The following CCDC81 variants were observed in gnomAD, a reference collection of about 807,000 sequenced individuals.
CCDC81 encodes the protein coiled-coil domain containing 81.
Under a neutral mutation model 83.7 loss-of-function variants are expected in CCDC81, and 79 were observed. The observed-to-expected ratio is 0.94, with a 90% confidence interval of 0.79 to 1.14. The LOEUF (loss-of-function observed/expected upper bound fraction) is 1.14. Among genes scored for constraint, CCDC81 ranks in the 50% most tolerant of loss-of-function variants. The probability of loss-of-function intolerance (pLI) is 0.00; values close to 1 mark genes in which losing one functional copy is unlikely to be tolerated. For synonymous variants in CCDC81, 252 were observed against 278.1 expected (o/e 0.91, Z 0.93); for missense variants, 791 against 778.1 (o/e 1.02, Z -0.20).
intron 14 of CCDC81, among the ~76,000 whole-genome samples, chr11:86,421,546 G>A (rs1411371802): frequency 6.6e-6 from 1 of 152,126 alleles, no homozygotes. Context: ...TCCTGACCTC[G>A]CAATCCGCCC....
intron 7 of CCDC81, among the ~76,000 whole-genome samples, chr11:86,403,889 T>A (rs1948527883): frequency 6.6e-6 from 1 of 152,096 alleles, no homozygotes; most frequent in Non-Finnish European, 1.5e-5. Context: ...TTGTTGGGGA[T>A]TAGTTAAGGG....
chr11:86,390,547 C>A (rs546346393), intron 3 of CCDC81, among the ~76,000 whole-genome samples: 1 of 152,150 alleles, frequency 6.6e-6, no homozygotes, highest in Non-Finnish European at 1.5e-5. Flanking sequence ...TAGAAAGATA[C>A]TCTTTCAGTT....
intron 7 of CCDC81, among the ~76,000 whole-genome samples, chr11:86,401,258 T>C (rs1005964333): frequency 7.2e-5 from 11 of 152,218 alleles, no homozygotes; most frequent in African/African-American, 2.7e-4. Flanking sequence ...CAATTTATCA[T>C]GGTCGTTTTC....
At chr11:86,379,402 T>G (rs552245362) in intron 1 of CCDC81, among the ~76,000 whole-genome samples, 1 of 152,168 alleles carries the variant, frequency 6.6e-6, no homozygotes. Context: ...GGCCCAGTTA[T>G]ACTTTTAAAA....
intron 13 of CCDC81, among the ~76,000 whole-genome samples, chr11:86,417,926 T>A (rs958551153): frequency 6.6e-6 from 1 of 152,106 alleles, no homozygotes; most frequent in Non-Finnish European, 1.5e-5. Context: ...GTATGATACA[T>A]TTGAAATATT....
chr11:86,412,740 A>G (rs28436284), intron 11 of CCDC81, among the ~76,000 whole-genome samples, 181 bp downstream of exon 11: 51,821 of 152,132 alleles, frequency 0.34, 9,314 homozygotes, highest in Admixed American at 0.41. Context: ...CTCGCAGGGC[A>G]TGCAGTGGGG....
At chr11:86,391,773 T>C (rs1948332814) in intron 3 of CCDC81, among the ~76,000 whole-genome samples, 1 of 152,206 alleles carries the variant, frequency 6.6e-6, no homozygotes, top group South Asian at 2.1e-4. Flanking sequence ...ATTCTTGCAT[T>C]GCTATAAAGA....
At chr11:86,401,352 C>A (rs1948484478) in intron 7 of CCDC81, among the ~76,000 whole-genome samples, 1 of 152,088 alleles carries the variant, frequency 6.6e-6, no homozygotes, top group African/African-American at 2.4e-5. Flanking sequence ...TCAAATCAGT[C>A]AACCATACTC....
intron 3 of CCDC81, among the ~76,000 whole-genome samples, chr11:86,388,480 A>G (rs1323054953): frequency 1.3e-5 from 2 of 152,182 alleles, no homozygotes; most frequent in Non-Finnish European, 2.9e-5. Flanking sequence ...ACTCCTGGAT[A>G]AATGGAGACA....
chr11:86,404,768 T>C (rs1294977987), intron 7 of CCDC81, among the ~76,000 whole-genome samples: 1 of 152,210 alleles, frequency 6.6e-6, no homozygotes, highest in Non-Finnish European at 1.5e-5. Flanking sequence ...GAGTCGAGCA[T>C]TTGCATTTTG....
At chr11:86,384,172 G>T (rs1948209580) in intron 1 of CCDC81, among the ~76,000 whole-genome samples, 1 of 152,154 alleles carries the variant, frequency 6.6e-6, no homozygotes, top group African/African-American at 2.4e-5. Context: ...AACTTTGAAA[G>T]TTCTCCATGT....
intron 6 of CCDC81, among the ~76,000 whole-genome samples, chr11:86,398,811 G>A (rs1412193152): frequency 6.6e-6 from 1 of 152,178 alleles, no homozygotes; most frequent in Non-Finnish European, 1.5e-5. Flanking sequence ...GACTTCAGGT[G>A]ATCCGCCTGC....
chr11:86,411,995 C>G (rs1468275727), intron 10 of CCDC81, among the ~76,000 whole-genome samples: 1 of 152,210 alleles, frequency 6.6e-6, no homozygotes, highest in Non-Finnish European at 1.5e-5. Context: ...CTGGTTTTCC[C>G]ATACATAGTT....
rs1565762107 is a variant in CCDC81, at chr11:86,395,346, G to A, written c.568G>A (p.Val190Met). 6.2e-7 allele frequency: 1 copy of A among 1,614,006 alleles called. No individual in the cohort carries two copies. The highest frequency in any genetic ancestry group is 8.5e-7 in the Non-Finnish European group (1 of 1,179,900). The change falls in exon 5 of 15, where the codon GTG becomes ATG. Residue 190 changes from valine (V) to methionine (M), a missense_variant. Coordinates refer to ENST00000445632, the MANE Select transcript of CCDC81 (RefSeq NM_001156474.2). ...TGCTGTCCTCTAGAGGCCTGGCACT[G>A]TGGACTCGGTGTTGTCTAGCAGAGA... is the stretch of plus-strand genomic sequence containing the variant. ...AKALANRPGT[V>M]DSVLSSREAL...
At chr11:86,399,004 TCTAATTTTA>T (rs1948446994) in intron 6 of CCDC81, among the ~76,000 whole-genome samples, 1 of 152,230 alleles carries the variant, frequency 6.6e-6, no homozygotes, top group African/African-American at 2.4e-5. Context: ...TTCTAATTTT[TCTAATTTTA>T]CTATATGTGC....
At chr11:86,414,465 C>T (rs1184329762) in intron 11 of CCDC81, 1 of 187,792 alleles carries the variant, frequency 5.3e-6, no homozygotes, top group African/African-American at 2.4e-5. Flanking sequence ...CACCACCACC[C>T]CCGGCTAATT....
chr11:86,401,886 C>G (rs1948493986), intron 7 of CCDC81, among the ~76,000 whole-genome samples: 1 of 152,038 alleles, frequency 6.6e-6, no homozygotes, highest in Admixed American at 6.6e-5. Flanking sequence ...CCTGTAATCC[C>G]AGCACTTTGG....
chr11:86,386,258 T>G (rs879598042), intron 2 of CCDC81, 146 bp downstream of exon 2: 9 of 256,610 alleles, frequency 3.5e-5, no homozygotes, highest in Middle Eastern at 1.3e-3. Flanking sequence ...TAACTTTCAG[T>G]CCTATGTTTT....
Position 86,386,039 on chromosome 11 carries a change from T to G in CCDC81, c.80-12T>G. ...ATAAATTGAATAATTTCTGGTTACT[T>G]TTGAATTTCAGAAGTCTCTATTATC... On this transcript the variant is annotated splice_polypyrimidine_tract_variant and intron_variant, in intron 1 of 14. Transcript: ENST00000445632. 6.7e-7 allele frequency: 1 copy of G among 1,485,068 alleles called. No homozygotes were observed. Among genetic ancestry groups the G allele is most frequent in the Non-Finnish European group, 9.2e-7 (1 of 1,083,742 alleles). 92.0% of individuals were successfully genotyped at this position (1,485,068 alleles called of 1,614,324 possible). A position where few individuals can be genotyped will look rare whatever the true frequency, so the allele number is the denominator to read the frequency against.
Sources: gnomAD v4.1 joint callset for allele counts (sites outside exome capture counted in the v4.1 genomes callset) on GRCh38, gnomAD v4.1.1 for gene constraint, MANE v1.5 for transcripts, NCBI Gene and HGNC (gene_info 2026-07-23, HGNC 2026-07-21) for gene names.